ASTN1: variants seen among roughly 807,000 people sequenced by gnomAD.
ASTN1 encodes the protein astrotactin 1, also known as astrotactin-1.
A neutral mutation model predicts 140.7 loss-of-function variants in ASTN1; 41 were observed. The ratio of observed to expected loss-of-function variants is 0.29; its 90% CI spans 0.23 to 0.38. ASTN1 has a LOEUF of 0.38. ASTN1 is among the 10% of genes least tolerant of loss of function. The pLI is 1.00. For synonymous variants in ASTN1, 640 were observed against 652.2 expected (o/e 0.98, Z 0.29); for missense variants, 1,479 against 1,678.8 (o/e 0.88, Z 2.08).
At chr1:177,007,186 GA>G (rs1326096423) in intron 8 of ASTN1, among the ~76,000 whole-genome samples, 1 of 152,078 alleles carries the variant, frequency 6.6e-6, no homozygotes, top group Admixed American at 6.6e-5. Flanking sequence ...CTGAGGTCAG[GA>G]GTTTAAGACC....
intron 17 of ASTN1, 125 bp downstream of exon 17, chr1:176,894,437 C>T (rs1669402867): frequency 2.3e-6 from 3 of 1,310,684 alleles, no homozygotes; most frequent in Non-Finnish European, 3.1e-6. Flanking sequence ...ATTAGCTAAA[C>T]AAAAAGCCTC....
At chr1:177,092,599 C>T (rs1679812267) in intron 1 of ASTN1, among the ~76,000 whole-genome samples, 1 of 152,134 alleles carries the variant, frequency 6.6e-6, no homozygotes, top group African/African-American at 2.4e-5. Context: ...GAAATTTACA[C>T]CTATATTGTC....
intron 1 of ASTN1, among the ~76,000 whole-genome samples, chr1:177,085,214 A>T (rs1352843455): frequency 6.6e-6 from 1 of 152,152 alleles, no homozygotes; most frequent in Non-Finnish European, 1.5e-5. Flanking sequence ...TCTAAATATC[A>T]TTTAGCTTTT....
At chr1:176,864,640 C>T in intron 22 of ASTN1, 119 bp from the exon 23 acceptor site, 1 of 1,417,602 alleles carries the variant, frequency 7.1e-7, no homozygotes, top group Admixed American at 2.5e-5. Context: ...TGTTTTGCTC[C>T]CTATTTTATC....
intron 12 of ASTN1, 117 bp downstream of exon 12, chr1:176,949,066 CAG>C: frequency 7.2e-7 from 1 of 1,385,084 alleles, no homozygotes; most frequent in Non-Finnish European, 9.8e-7. Context: ...GCTCTTTCCT[CAG>C]AGACTAAGGG....
rs187588286 is a variant in ASTN1, at chr1:176,929,709, C to T, written c.2671+4443G>A. 2.0e-5 allele frequency among the ~76,000 whole-genome samples: 3 copies of T among 152,238 alleles called. No homozygotes were observed. The East Asian group carries it at 5.8e-4, about 30-fold the overall frequency. On this transcript the variant is annotated intron_variant, in intron 16 of 22. Transcript: ENST00000361833. Reference sequence around the variant, plus strand: ...GCTGAGGAGTGATGTCATTAGATAGCATTTAAAAATGATAACAGACCGGGC... The same window carrying T: ...GCTGAGGAGTGATGTCATTAGATAGTATTTAAAAATGATAACAGACCGGGC...
chr1:176,940,008 C>A (rs1671649048), intron 14 of ASTN1, among the ~76,000 whole-genome samples: 1 of 152,056 alleles, frequency 6.6e-6, no homozygotes, highest in Non-Finnish European at 1.5e-5. Flanking sequence ...AGTCCATCCC[C>A]TTTGGATGAA....
intron 2 of ASTN1, among the ~76,000 whole-genome samples, chr1:177,039,341 C>T (rs550032900): frequency 6.6e-6 from 1 of 152,280 alleles, no homozygotes; most frequent in South Asian, 2.1e-4. Flanking sequence ...TGTCTAAATA[C>T]CAATGACCCA....
chr1:177,034,244 A>AAC (rs5778922), intron 2 of ASTN1, among the ~76,000 whole-genome samples: 4,877 of 143,316 alleles, frequency 0.034, 159 homozygotes, highest in African/African-American at 0.092. Flanking sequence ...TGAGCAAAGG[A>AAC]ACACACACAC....
At chr1:176,884,217 C>A in intron 19 of ASTN1, 122 bp downstream of exon 19, 2 of 1,115,178 alleles carry the variant, frequency 1.8e-6, no homozygotes, top group East Asian at 2.5e-5. Flanking sequence ...CTTCTCCCTG[C>A]TCCTCCTGCA....
chr1:176,910,924 A>T (rs1041576151), intron 16 of ASTN1, among the ~76,000 whole-genome samples: 13 of 152,232 alleles, frequency 8.5e-5, no homozygotes, highest in African/African-American at 3.1e-4. Context: ...GAATCTAATG[A>T]TAAATGTAAT....
At chr1:176,942,800 C>T (rs1405089847) in intron 14 of ASTN1, among the ~76,000 whole-genome samples, 4 of 114,198 alleles carry the variant, frequency 3.5e-5, no homozygotes, top group Non-Finnish European at 5.5e-5. Context: ...CCAGACCAAA[C>T]CAATGTACTT....
Position 176,958,435 on chromosome 1 carries a change from C to T in ASTN1, c.1646G>A (p.Ser549Asn), listed in dbSNP as rs1437442297. The stretch of plus-strand genomic sequence containing the variant: ...CAGTTCGGCTGGTGGAATCACAAAG[C>T]TCTTGCTGAGGGGCAACCACATGCC... ...GEGMWLPLSKSFVIPPAELAI... is the reference protein window; with the variant it reads ...GEGMWLPLSKNFVIPPAELAI... Residue 549 changes from serine (S) to asparagine (N), a missense_variant, in exon 10 of 23, where the codon AGC (serine) becomes AAC (asparagine). Around this residue, in one of 3 missense-constraint regions of ASTN1, gnomAD observed 729 missense variants for 860.4 expected, o/e 0.85. Coordinates refer to ENST00000361833, the MANE Select transcript of ASTN1 (RefSeq NM_004319.3). 3.7e-6 allele frequency: 6 copies of T among 1,613,886 alleles called. No individual in the cohort carries two copies. Among genetic ancestry groups the T allele is most frequent in the Admixed American group, 3.3e-5 (2 of 59,974 alleles).
At chr1:177,151,676 C>T (rs1683041998) in intron 1 of ASTN1, among the ~76,000 whole-genome samples, 1 of 152,128 alleles carries the variant, frequency 6.6e-6, no homozygotes. Flanking sequence ...TAAGTCACTT[C>T]CTAAGAACTC....
At chr1:177,081,352 T>C (rs11585725) in intron 1 of ASTN1, among the ~76,000 whole-genome samples, 69,294 of 151,990 alleles carry the variant, frequency 0.46, 17,238 homozygotes, top group Non-Finnish European at 0.57. Context: ...AATGAGCTTG[T>C]CCATAAGAAA....
At chr1:176,909,893 A>T (rs1210165952) in intron 16 of ASTN1, among the ~76,000 whole-genome samples, 7 of 152,206 alleles carry the variant, frequency 4.6e-5, no homozygotes. Context: ...ACATTATGTC[A>T]TGAACTCTAT....
intron 1 of ASTN1, among the ~76,000 whole-genome samples, chr1:177,148,607 T>G (rs926526677): frequency 6.6e-6 from 1 of 151,792 alleles, no homozygotes; most frequent in African/African-American, 2.4e-5. Flanking sequence ...CCAACTGATT[T>G]GGCAAGGACT....
chr1:176,946,227 A>G, intron 12 of ASTN1, 107 bp from the exon 13 acceptor site: 1 of 1,079,170 alleles, frequency 9.3e-7, no homozygotes, highest in Non-Finnish European at 1.3e-6. Flanking sequence ...ATGTTGGATC[A>G]CCAAAGATTA....
intron 21 of ASTN1, among the ~76,000 whole-genome samples, chr1:176,869,889 CAA>C (rs1203840142): frequency 3.9e-5 from 6 of 152,184 alleles, no homozygotes; most frequent in Non-Finnish European, 7.3e-5. Context: ...GGAGTGGCCT[CAA>C]GACTGTGGGA....
Sources: gnomAD v4.1 joint callset for allele counts (sites outside exome capture counted in the v4.1 genomes callset) on GRCh38, gnomAD v4.1.1 for gene constraint, gnomAD v4.1.1 regional missense constraint, MANE v1.5 for transcripts, NCBI Gene and HGNC (gene_info 2026-07-23, HGNC 2026-07-21) for gene names.